CACNA1C: variants seen among roughly 807,000 people sequenced by gnomAD.
CACNA1C encodes voltage-dependent L-type calcium channel subunit alpha-1C.
Under a neutral mutation model 229.0 loss-of-function variants are expected in CACNA1C, and 30 were observed. The observed-to-expected ratio is 0.13, with a 90% CI of 0.10 to 0.18. The LOEUF is 0.18. Ranked by LOEUF, CACNA1C falls within the 10% of genes least tolerant of loss-of-function variation. The probability of loss-of-function intolerance (pLI) is 1.00; values close to 1 mark genes in which losing one functional copy is unlikely to be tolerated. For synonymous variants in CACNA1C, 1,114 were observed against 1,132.5 expected (o/e 0.98, Z 0.33); for missense variants, 1,658 against 2,845.0 (o/e 0.58, Z 9.49).
intron 29 of CACNA1C, chr12:2,613,356 A>C (rs928828988): frequency 6.6e-6 from 1 of 152,198 alleles, no homozygotes; most frequent in Non-Finnish European, 1.5e-5. Context: ...CGGAGACTGG[A>C]ATCCGGCACC....
chr12:1,989,906 T>C (rs1005469438), intron 1 of CACNA1C, among the ~76,000 whole-genome samples: 2 of 152,256 alleles, frequency 1.3e-5, no homozygotes, highest in South Asian at 2.1e-4. Context: ...AATTAGTTTT[T>C]AATCTGGTAA....
At chr12:2,515,764 G>A (rs1186784937) in intron 9 of CACNA1C, among the ~76,000 whole-genome samples, 1 of 152,166 alleles carries the variant, frequency 6.6e-6, no homozygotes, top group Non-Finnish European at 1.5e-5. Flanking sequence ...AGCCACCAAG[G>A]AGTAGAAAAA....
intron 9 of CACNA1C, among the ~76,000 whole-genome samples, chr12:2,540,596 G>C (rs573706414): frequency 6.6e-6 from 1 of 152,298 alleles, no homozygotes; most frequent in East Asian, 1.9e-4. Flanking sequence ...AGCACACACA[G>C]GGCACGGCAG....
At chr12:2,156,384 C>G (rs1462396281) in intron 3 of CACNA1C, among the ~76,000 whole-genome samples, 2 of 152,154 alleles carry the variant, frequency 1.3e-5, no homozygotes, top group South Asian at 4.1e-4. Context: ...TGCTCTCTTC[C>G]AAAACCACAC....
At chr12:2,495,544 C>T (rs1051333237) in intron 7 of CACNA1C, among the ~76,000 whole-genome samples, 3 of 152,220 alleles carry the variant, frequency 2.0e-5, no homozygotes, top group Non-Finnish European at 4.4e-5. Flanking sequence ...ATTGATGCCC[C>T]ACCAGCCAGA....
At chr12:2,515,070 G>A (rs1001127493) in intron 9 of CACNA1C, among the ~76,000 whole-genome samples, 2 of 152,310 alleles carry the variant, frequency 1.3e-5, no homozygotes, top group African/African-American at 4.8e-5. Flanking sequence ...GCTTCCTTAC[G>A]GCTGGAGGAG....
At chr12:2,222,122 C>T (rs1300679957) in intron 3 of CACNA1C, 3 of 152,164 alleles carry the variant, frequency 2.0e-5, no homozygotes, top group South Asian at 2.1e-4. Context: ...TATGATTCTT[C>T]TAAATTTTCT....
At chr12:2,014,248 C>T (rs1437768145) in intron 1 of CACNA1C, among the ~76,000 whole-genome samples, 1 of 149,766 alleles carries the variant, frequency 6.7e-6, no homozygotes, top group Non-Finnish European at 1.5e-5. Flanking sequence ...TAGAAGAAAA[C>T]AACAAACTGT....
intron 3 of CACNA1C, among the ~76,000 whole-genome samples, chr12:2,214,488 G>A (rs983887261): frequency 2.0e-5 from 3 of 152,010 alleles, no homozygotes; most frequent in Non-Finnish European, 4.4e-5. Context: ...CACTGATCTC[G>A]TGAACTAGGA....
chr12:1,990,472 AATG>A (rs2039082191), intron 1 of CACNA1C, among the ~76,000 whole-genome samples: 4 of 152,200 alleles, frequency 2.6e-5, no homozygotes, highest in Admixed American at 2.6e-4. Flanking sequence ...TGGCTGATTA[AATG>A]AAGAGAGTTT....
intron 3 of CACNA1C, among the ~76,000 whole-genome samples, chr12:2,367,835 A>C (rs1440362191): frequency 2.0e-5 from 3 of 152,202 alleles, no homozygotes; most frequent in African/African-American, 7.2e-5. Flanking sequence ...ATAAATTTCA[A>C]CTTTAGATAA....
chr12:2,421,220 C>G (rs2098975684), intron 3 of CACNA1C, among the ~76,000 whole-genome samples: 1 of 152,132 alleles, frequency 6.6e-6, no homozygotes, highest in Admixed American at 6.5e-5. Flanking sequence ...CTTGTGTTAA[C>G]TGGGTTTGCA....
At position 2,120,450 on chromosome 12, in the gene CACNA1C, G is replaced by A. The variant is rs1398583556; in HGVS notation, c.477+20G>A. ...AACCTGGTAAGTCCACCATCCTCAA[G>A]TCTCTGCTTTTTCACTCGATGGAGA... On this transcript the variant is annotated intron_variant, in intron 3 of 46. Coordinates refer to ENST00000399655, the MANE Select transcript of CACNA1C (RefSeq NM_000719.7). 1 of 1,334,010 alleles carries A rather than the reference G, an allele frequency of 7.5e-7. No individual in the cohort carries two copies. Among genetic ancestry groups the A allele is most frequent in the African/African-American group, 1.4e-5 (1 of 69,378 alleles). The allele number at this position is 1,334,010 out of a possible 1,614,324, so 82.6% of individuals were successfully genotyped here. A position where few individuals can be genotyped will look rare whatever the true frequency, so the allele number is the denominator to read the frequency against.
chr12:2,296,245 G>A (rs1380510361), intron 3 of CACNA1C, among the ~76,000 whole-genome samples: 1 of 152,222 alleles, frequency 6.6e-6, no homozygotes, highest in African/African-American at 2.4e-5. Flanking sequence ...CAGTCTGTGG[G>A]CTGCAAATGC....
At position 2,198,701 on chromosome 12, in the gene CACNA1C, G is replaced by A. The variant is rs144552927; in HGVS notation, c.477+78271G>A. Reference sequence around the variant, plus strand: ...GGCAGAGGTGGGAGGTGGGGAGGGAGAGACAGGGGGTTCTGGCTAGGAAGG... The same window carrying A: ...GGCAGAGGTGGGAGGTGGGGAGGGAAAGACAGGGGGTTCTGGCTAGGAAGG... On this transcript the variant is annotated intron_variant, in intron 3 of 46. Transcript: ENST00000399655. 1.7e-4 allele frequency among the ~76,000 whole-genome samples: 26 copies of A among 152,256 alleles called. No individual in the cohort carries two copies. In the East Asian group the frequency reaches 3.9e-3, roughly 23 times the overall value.
chr12:1,986,065 G>A (rs543753012), intron 1 of CACNA1C, among the ~76,000 whole-genome samples: 1 of 152,282 alleles, frequency 6.6e-6, no homozygotes, highest in African/African-American at 2.4e-5. Context: ...TGCCCGCCTT[G>A]GCCTCCCAAA....
intron 1 of CACNA1C, among the ~76,000 whole-genome samples, chr12:2,094,202 C>G (rs1473399919): frequency 6.6e-6 from 1 of 152,192 alleles, no homozygotes; most frequent in Non-Finnish European, 1.5e-5. Context: ...GCATCCCACT[C>G]CACAATCTGA....
intron 3 of CACNA1C, among the ~76,000 whole-genome samples, chr12:2,385,256 C>T (rs1190272762): frequency 6.6e-6 from 1 of 152,114 alleles, no homozygotes; most frequent in Non-Finnish European, 1.5e-5. Context: ...GCTTTATAGA[C>T]AGGAAGACCG....
At chr12:2,175,620 C>T (rs914793630) in intron 3 of CACNA1C, among the ~76,000 whole-genome samples, 3 of 152,124 alleles carry the variant, frequency 2.0e-5, no homozygotes, top group African/African-American at 7.2e-5. Flanking sequence ...CAGCCTTTCC[C>T]CTGATGGTTT....
Sources: gnomAD v4.1 joint callset for allele counts (sites outside exome capture counted in the v4.1 genomes callset) on GRCh38, gnomAD v4.1.1 for gene constraint, MANE v1.5 for transcripts, NCBI Gene and HGNC (gene_info 2026-07-23, HGNC 2026-07-21) for gene names.